The following STRAP variants were observed in gnomAD, a reference collection of about 807,000 sequenced individuals.
STRAP encodes the protein serine-threonine kinase receptor-associated protein.
A neutral mutation model predicts 47.0 loss-of-function variants in STRAP; 16 were observed. The observed-to-expected ratio is 0.34, with a 90% confidence interval of 0.23 to 0.52. STRAP has a LOEUF of 0.52. STRAP is among the 20% of genes least tolerant of loss of function. The pLI is 0.96. For synonymous variants in STRAP, 130 were observed against 142.7 expected, an observed-to-expected ratio of 0.91 and a Z score of 0.63; for missense variants, 293 against 420.0, an observed-to-expected ratio of 0.70 and a Z score of 2.64.
chr12:15,890,698 G>A lies in STRAP; in HGVS notation c.403+29G>A, dbSNP rs1948007827. The A allele has an allele frequency of 6.5e-7, 1 of 1,542,050 alleles. No individual in the cohort carries two copies. The highest frequency in any genetic ancestry group is 1.4e-5 in the African/African-American group (1 of 71,644). On this transcript the variant is annotated intron_variant, in intron 4 of 9. Transcript: ENST00000419869. The surrounding 1 kb of genome is among the most constrained non-coding windows in gnomAD (Gnocchi z 4.5). Reference sequence around the variant, plus strand: ...AGCATAATTTAAACATCAGCTTCTAGTTTTATTTTCTTTTAATTTAAATAA... The same window carrying A: ...AGCATAATTTAAACATCAGCTTCTAATTTTATTTTCTTTTAATTTAAATAA...
chr12:15,894,187 T>C lies in STRAP; in HGVS notation c.500+44T>C, dbSNP rs1486811223. ...ATAATTTACAATTTAAGGCCGGGCATGGTGGCTCACGCCTATAATCTCAGC... is the reference window on the plus strand; with the variant it reads ...ATAATTTACAATTTAAGGCCGGGCACGGTGGCTCACGCCTATAATCTCAGC... On this transcript the variant is annotated intron_variant, in intron 5 of 9. Coordinates refer to ENST00000419869, the MANE Select transcript of STRAP (RefSeq NM_007178.4). The surrounding 1 kb of genome is among the most constrained non-coding windows in gnomAD (Gnocchi z 4.9). 2.0e-6 allele frequency: 3 copies of C among 1,515,892 alleles called. No homozygotes were observed. Among genetic ancestry groups the C allele is most frequent in the South Asian group, 2.3e-5 (2 of 88,792 alleles). The allele number at this position is 1,515,892 out of a possible 1,614,324, so 93.9% of individuals were successfully genotyped here. A position where few individuals can be genotyped will look rare whatever the true frequency, so the allele number is the denominator to read the frequency against.
chr12:15,883,232 C>T, intron 1 of STRAP: 1 of 1,218,702 alleles, frequency 8.2e-7, no homozygotes, highest in Non-Finnish European at 1.2e-6. Context: ...GTATTAGCCT[C>T]ATTTTTCAAA....
chr12:15,897,557 AT>A (rs1192737053), intron 6 of STRAP, among the ~76,000 whole-genome samples: 1 of 152,132 alleles, frequency 6.6e-6, no homozygotes, highest in Non-Finnish European at 1.5e-5. Context: ...GGTGAAGTTT[AT>A]TTAAGAGCAA....
At position 15,894,753 on chromosome 12, in the gene STRAP, T is replaced by G. The variant is rs531492047; in HGVS notation, c.501-606T>G. On this transcript the variant is annotated intron_variant, in intron 5 of 9. Coordinates refer to ENST00000419869, the MANE Select transcript of STRAP (RefSeq NM_007178.4). The surrounding 1 kb of genome is among the most constrained non-coding windows in gnomAD (Gnocchi z 4.9). ...AGGTTAGGAATTCTCAGTTGGTAAGTGTCTAATGCAAATATTCCAAAATCC... is the reference window on the plus strand; with the variant it reads ...AGGTTAGGAATTCTCAGTTGGTAAGGGTCTAATGCAAATATTCCAAAATCC... Among the ~76,000 whole-genome samples the G allele has an allele frequency of 9.8e-5, 15 of 152,326 alleles. No homozygotes were observed. The highest frequency in any genetic ancestry group is 9.8e-4 in the Admixed American group (15 of 15,302).
Position 15,890,735 on chromosome 12 carries a change from A to G in STRAP, c.403+66A>G, listed in dbSNP as rs1948008164. 3 of 1,386,564 alleles carry G rather than the reference A, an allele frequency of 2.2e-6. No individual in the cohort carries two copies. The highest frequency in any genetic ancestry group is 3.0e-5 in the African/African-American group (2 of 67,640). 85.9% of individuals were successfully genotyped at this position (1,386,564 alleles called of 1,614,324 possible). A position where few individuals can be genotyped will look rare whatever the true frequency, so the allele number is the denominator to read the frequency against. ...TTTAATTTAAATAACTGATTAAAGA[A>G]TTTCATGCTCAGTACTCAAATTTGG... On this transcript the variant is annotated intron_variant, in intron 4 of 9. Coordinates refer to ENST00000419869, the MANE Select transcript of STRAP (RefSeq NM_007178.4). The surrounding 1 kb of genome is among the most constrained non-coding windows in gnomAD (Gnocchi z 4.5).
chr12:15,899,881 C>G (rs764097415), intron 7 of STRAP, 23 bp from the exon 8 acceptor site: 3 of 1,600,540 alleles, frequency 1.9e-6, no homozygotes, highest in Non-Finnish European at 2.6e-6. Context: ...TTAAAATTAT[C>G]TAATAGCCCT....
chr12:15,888,390 C>CA (rs1326976927), intron 2 of STRAP, among the ~76,000 whole-genome samples: 3 of 152,030 alleles, frequency 2.0e-5, no homozygotes, highest in South Asian at 2.1e-4. Flanking sequence ...ATTGGAATGA[C>CA]AGAGAGAGGA....
At position 15,894,067 on chromosome 12, in the gene STRAP, C is replaced by A; in HGVS notation, c.424C>A (p.His142Asn). 1 of 1,613,016 alleles carries A rather than the reference C, an allele frequency of 6.2e-7. No homozygotes were observed. Among genetic ancestry groups the A allele is most frequent in the South Asian group, 1.1e-5 (1 of 90,946 alleles). ...TCAAGAACCTAAGGAAATTAGTGGT[C>A]ATACTTCTGGTATAAAAAAAGCTCT... The part of the protein sequence containing the change: ...PEAEPKEISG[H>N]TSGIKKALWC... The change falls in exon 5 of 10, where the codon CAT becomes AAT. Residue 142 changes from histidine to asparagine, a missense_variant. Physicochemically the swap from His to Asn is moderately conservative, Grantham distance 68. Around this residue, in one of 5 missense-constraint regions of STRAP, gnomAD observed 152 missense variants for 183.0 expected, o/e 0.83. Coordinates refer to ENST00000419869, the MANE Select transcript of STRAP (RefSeq NM_007178.4). This position sits in a 1 kb window ranked among gnomAD's most constrained non-coding sequence, Gnocchi z 4.9.
At chr12:15,886,159 T>C (rs988488084) in intron 2 of STRAP, among the ~76,000 whole-genome samples, 4 of 152,118 alleles carry the variant, frequency 2.6e-5, no homozygotes, top group Admixed American at 2.0e-4. Flanking sequence ...ATTCGTGTGC[T>C]AACTATGCTG....
rs115504911 is a variant in STRAP, at chr12:15,887,607, A to T, written c.249-2321A>T. On this transcript the variant is annotated intron_variant, in intron 2 of 9. Coordinates refer to ENST00000419869, the MANE Select transcript of STRAP (RefSeq NM_007178.4). The surrounding 1 kb of genome is among the most constrained non-coding windows in gnomAD (Gnocchi z 5.5). Reference sequence around the variant, plus strand: ...TGCCTCTATTTTAGTACTGTTTCTAAATAGGAGGAAAAACTACAGACACAT... The same window carrying T: ...TGCCTCTATTTTAGTACTGTTTCTATATAGGAGGAAAAACTACAGACACAT... Among the ~76,000 whole-genome samples the T allele has an allele frequency of 0.01, 1,567 of 152,322 alleles. 30 individuals are homozygous for T. Among genetic ancestry groups the T allele is most frequent in the African/African-American group, 0.035 (1,461 of 41,562 alleles).
chr12:15,903,164 C>A lies in STRAP; in HGVS notation c.*186C>A. On this transcript the variant is annotated 3_prime_UTR_variant, in exon 10 of 10. Coordinates refer to ENST00000419869, the MANE Select transcript of STRAP (RefSeq NM_007178.4). Reference sequence around the variant, plus strand: ...TACCTGTAAGTGAAAACTCAAGTGTCAGATGAAGGGAGGTGGAGTTATCCT... The same window carrying A: ...TACCTGTAAGTGAAAACTCAAGTGTAAGATGAAGGGAGGTGGAGTTATCCT... 2 of 512,344 alleles carry A rather than the reference C, an allele frequency of 3.9e-6. No homozygotes were observed. Among genetic ancestry groups the A allele is most frequent in the Non-Finnish European group, 6.4e-6 (2 of 313,040 alleles). 31.7% of individuals were successfully genotyped at this position (512,344 alleles called of 1,614,324 possible). A position where few individuals can be genotyped will look rare whatever the true frequency, so the allele number is the denominator to read the frequency against.
chr12:15,885,563 A>C (rs1947963943), intron 2 of STRAP, among the ~76,000 whole-genome samples: 1 of 149,906 alleles, frequency 6.7e-6, no homozygotes, highest in African/African-American at 2.5e-5. Context: ...TTTTAAGTAC[A>C]TTAAACATAC....
In STRAP at chr12:15,887,840, AAGAG is replaced by A. The variant is rs1313170616; in HGVS notation, c.249-2081_249-2078del. ...ACCAAGATCCTGTCTCAAAAAAAAA[AAGAG>A]AGAGAGGTTTTAAGTTTATGGGAGA... On this transcript the variant is annotated intron_variant, in intron 2 of 9. Coordinates refer to ENST00000419869, the MANE Select transcript of STRAP (RefSeq NM_007178.4). This position sits in a 1 kb window ranked among gnomAD's most constrained non-coding sequence, Gnocchi z 5.5. 8.6e-5 allele frequency among the ~76,000 whole-genome samples: 13 copies of A among 151,216 alleles called. No individual in the cohort carries two copies. Among genetic ancestry groups the A allele is most frequent in the South Asian group, 2.1e-4 (1 of 4,808 alleles).
intron 5 of STRAP, 129 bp from the exon 6 acceptor site, chr12:15,895,230 G>A: frequency 1.4e-6 from 1 of 732,150 alleles, no homozygotes; most frequent in Non-Finnish European, 2.0e-6. Flanking sequence ...TGTAATTTGT[G>A]ACTTGGAATG....
At position 15,889,398 on chromosome 12, in the gene STRAP, A is replaced by AGAGAT. The variant is rs777884720; in HGVS notation, c.249-530_249-529insGAGAT. On this transcript the variant is annotated intron_variant, in intron 2 of 9. Transcript: ENST00000419869. ...CAGCTTTGAAGAAGAGATGAAGTGG[A>AGAGAT]CATTGTCTCTCCACTATCTTAATTT... is the stretch of plus-strand genomic sequence containing the variant. Among the ~76,000 whole-genome samples, 685 of 152,294 alleles carry AGAGAT rather than the reference A, an allele frequency of 4.5e-3. 12 individuals are homozygous for AGAGAT. The highest frequency in any genetic ancestry group is 0.036 in the East Asian group (186 of 5,188).
intron 7 of STRAP, chr12:15,898,228 A>G: frequency 3.4e-6 from 1 of 292,846 alleles, no homozygotes; most frequent in South Asian, 6.3e-5. Flanking sequence ...CAAAGTATGC[A>G]GAAATTTATC....
Position 15,883,615 on chromosome 12 carries a change from T to C in STRAP, c.187T>C (p.Trp63Arg). Residue 63 changes from tryptophan (W) to arginine (R), a missense_variant, in exon 2 of 10, where the codon TGG becomes CGG. Around this residue, in one of 5 missense-constraint regions of STRAP, gnomAD observed 32 missense variants for 76.1 expected, o/e 0.42. Coordinates refer to ENST00000419869, the MANE Select transcript of STRAP (RefSeq NM_007178.4). ...ATTTTTGGGTCATAAAGGTGCTGTT[T>C]GGGGTGCAACACTGAATAAGGATGC... ...GTFLGHKGAV[W>R]GATLNKDATK... 6.2e-7 allele frequency: 1 copy of C among 1,614,212 alleles called. No homozygotes were observed. The highest frequency in any genetic ancestry group is 8.5e-7 in the Non-Finnish European group (1 of 1,180,026).
In STRAP at chr12:15,896,038, C is replaced by T. The variant is rs1209653718; in HGVS notation, c.638+542C>T. Among the ~76,000 whole-genome samples the T allele has an allele frequency of 6.6e-6, 1 of 151,588 alleles. No homozygotes were observed. Among genetic ancestry groups the T allele is most frequent in the East Asian group, 2.0e-4 (1 of 5,110 alleles). ...AGGGGATTGAGACCAGCCTGGCCAA[C>T]ATGGTGAAACCCCGTCTCTAAAATA... On this transcript the variant is annotated intron_variant, in intron 6 of 9. Transcript: ENST00000419869. The surrounding 1 kb of genome is among the most constrained non-coding windows in gnomAD (Gnocchi z 4.1).
chr12:15,892,758 A>G (rs746493357), intron 4 of STRAP, among the ~76,000 whole-genome samples: 5 of 152,120 alleles, frequency 3.3e-5, no homozygotes, highest in African/African-American at 4.8e-5. Context: ...TGATAAATCT[A>G]TGCCAAAACA....
Sources: gnomAD v4.1 joint callset for allele counts (sites outside exome capture counted in the v4.1 genomes callset) on GRCh38, gnomAD v4.1.1 for gene constraint, gnomAD v4.1.1 regional missense constraint, Gnocchi (gnomAD v3.1) non-coding constraint, MANE v1.5 for transcripts, NCBI Gene and HGNC (gene_info 2026-07-23, HGNC 2026-07-21) for gene names.